PRKG1: variants seen among roughly 807,000 people sequenced by gnomAD.
PRKG1 encodes cGMP-dependent protein kinase 1.
Under a neutral mutation model 88.1 loss-of-function variants are expected in PRKG1, and 35 were observed. The observed-to-expected ratio is 0.40, with a 90% CI of 0.30 to 0.53. The LOEUF (loss-of-function observed/expected upper bound fraction) is 0.53, where lower values mean the gene tolerates loss of function less well. Among genes scored for constraint, PRKG1 ranks in the 20% least tolerant of loss-of-function variants. The pLI is 0.59. For missense variants in PRKG1, 540 were observed against 839.8 expected (o/e 0.64, Z 4.41); for synonymous variants, 303 against 292.5 (o/e 1.04, Z -0.37).
At chr10:52,274,743 T>C (rs1841827723) in intron 12 of PRKG1, among the ~76,000 whole-genome samples, 1 of 152,116 alleles carries the variant, frequency 6.6e-6, no homozygotes, top group Non-Finnish European at 1.5e-5. Flanking sequence ...TTTAGTTCTT[T>C]AAGGAATCTC....
At chr10:51,566,765 G>A (rs1163058826) in intron 3 of PRKG1, among the ~76,000 whole-genome samples, 4 of 152,000 alleles carry the variant, frequency 2.6e-5, no homozygotes, top group African/African-American at 7.2e-5. Flanking sequence ...TTCCATATCT[G>A]TAAACAAAGA....
intron 3 of PRKG1, among the ~76,000 whole-genome samples, chr10:51,735,144 G>A (rs958832650): frequency 3.3e-5 from 5 of 152,142 alleles, no homozygotes; most frequent in Admixed American, 6.6e-5. Context: ...TGGAAACCAC[G>A]CAAAAACAAA....
At chr10:51,754,622 A>G (rs1257296602) in intron 3 of PRKG1, among the ~76,000 whole-genome samples, 2 of 152,186 alleles carry the variant, frequency 1.3e-5, no homozygotes, top group African/African-American at 2.4e-5. Context: ...TCCATAATCT[A>G]TGAGCAGCTG....
chr10:51,937,233 C>A (rs1842816413), intron 5 of PRKG1, among the ~76,000 whole-genome samples: 1 of 151,918 alleles, frequency 6.6e-6, no homozygotes, highest in South Asian at 2.1e-4. Context: ...CAAGCAGGGA[C>A]TGTTGTATAT....
chr10:51,163,420 A>AAAT (rs1417511553), intron 2 of PRKG1, among the ~76,000 whole-genome samples: 2 of 152,362 alleles, frequency 1.3e-5, no homozygotes, highest in East Asian at 3.9e-4. Flanking sequence ...CAAGATGGCC[A>AAAT]AATAGGAACA....
At chr10:51,284,775 A>T (rs2132209511) in intron 2 of PRKG1, among the ~76,000 whole-genome samples, 1 of 148,694 alleles carries the variant, frequency 6.7e-6, no homozygotes, top group East Asian at 2.0e-4. Flanking sequence ...GTTTATATAT[A>T]TATTTTTTGT....
At chr10:51,983,272 A>G (rs74132874) in intron 5 of PRKG1, among the ~76,000 whole-genome samples, 14,340 of 151,798 alleles carry the variant, frequency 0.094, 1,827 homozygotes, top group African/African-American at 0.28. Flanking sequence ...AAGGAAGGTT[A>G]CCCTCCAGGC....
chr10:51,516,562 T>A (rs1841592636), intron 3 of PRKG1, among the ~76,000 whole-genome samples: 1 of 152,174 alleles, frequency 6.6e-6, no homozygotes, highest in Admixed American at 6.5e-5. Flanking sequence ...GCTTTCTGCC[T>A]AGAATTTCTC....
intron 9 of PRKG1, among the ~76,000 whole-genome samples, chr10:52,223,339 A>T: frequency 1.3e-5 from 1 of 79,870 alleles, no homozygotes; most frequent in South Asian, 4.5e-4. Context: ...TACTTGAACT[A>T]TCTGTAATTA....
intron 1 of PRKG1, among the ~76,000 whole-genome samples, chr10:51,046,723 T>A (rs2132764071): frequency 6.6e-6 from 1 of 152,286 alleles, no homozygotes; most frequent in Non-Finnish European, 1.5e-5. Context: ...TCAAAACCCA[T>A]GGGTGGAATA....
chr10:51,329,787 G>A (rs964223018), intron 2 of PRKG1, among the ~76,000 whole-genome samples: 1 of 151,902 alleles, frequency 6.6e-6, no homozygotes, highest in African/African-American at 2.4e-5. Context: ...CTCTCTCCTG[G>A]CCTGTAAGAT....
At chr10:51,630,817 G>A (rs1839507306) in intron 3 of PRKG1, among the ~76,000 whole-genome samples, 1 of 152,192 alleles carries the variant, frequency 6.6e-6, no homozygotes, top group Non-Finnish European at 1.5e-5. Context: ...CAGCAGGCAG[G>A]ATCATCTGTT....
At chr10:51,376,393 C>T (rs1439003491) in intron 2 of PRKG1, among the ~76,000 whole-genome samples, 1 of 152,058 alleles carries the variant, frequency 6.6e-6, no homozygotes, top group African/African-American at 2.4e-5. Context: ...ATTAGGGATT[C>T]ATTTTTAATG....
chr10:51,265,937 G>A (rs1839825438), intron 2 of PRKG1, among the ~76,000 whole-genome samples: 1 of 152,180 alleles, frequency 6.6e-6, no homozygotes, highest in Non-Finnish European at 1.5e-5. Flanking sequence ...GTTTAGAGCA[G>A]TGGTCCTCAA....
intron 9 of PRKG1, among the ~76,000 whole-genome samples, chr10:52,193,148 C>T (rs1432667977): frequency 6.6e-6 from 1 of 152,118 alleles, no homozygotes; most frequent in East Asian, 1.9e-4. Context: ...AAAAATATGG[C>T]ACCTTAGAAA....
At chr10:52,080,257 C>T (rs1846738024) in intron 7 of PRKG1, among the ~76,000 whole-genome samples, 2 of 152,126 alleles carry the variant, frequency 1.3e-5, no homozygotes, top group African/African-American at 2.4e-5. Context: ...TTATAAGGTC[C>T]TGCTCATCCT....
chr10:51,208,105 T>G (rs1564638554), intron 2 of PRKG1, among the ~76,000 whole-genome samples: 1 of 152,154 alleles, frequency 6.6e-6, no homozygotes, highest in African/African-American at 2.4e-5. Flanking sequence ...ATTACCTAGG[T>G]AAAAAATAGT....
intron 2 of PRKG1, among the ~76,000 whole-genome samples, chr10:51,318,199 T>A (rs1246072004): frequency 6.6e-6 from 1 of 152,150 alleles, no homozygotes; most frequent in Non-Finnish European, 1.5e-5. Flanking sequence ...GATATCTGCT[T>A]GATGTGTGAA....
intron 2 of PRKG1, among the ~76,000 whole-genome samples, chr10:51,182,972 A>G (rs952991461): frequency 4.6e-5 from 7 of 152,344 alleles, no homozygotes; most frequent in South Asian, 4.1e-4. Context: ...CAATAATTCT[A>G]TTGATTTTGG....
Sources: gnomAD v4.1 joint callset for allele counts (sites outside exome capture counted in the v4.1 genomes callset) on GRCh38, gnomAD v4.1.1 for gene constraint, MANE v1.5 for transcripts, NCBI Gene and HGNC (gene_info 2026-07-23, HGNC 2026-07-21) for gene names.